The following SCARF2 variants were observed in gnomAD, a reference collection of about 807,000 sequenced individuals.
SCARF2 encodes the protein scavenger receptor class F member 2, also known as scavenger receptor expressed by endothelial cells 2 protein.
In SCARF2, 39 loss-of-function variants were observed where a neutral mutation model predicts 73.4. The observed-to-expected ratio is 0.53, with a 90% CI of 0.41 to 0.69. The LOEUF is 0.69. Among genes scored for constraint, SCARF2 ranks in the 30% least tolerant of loss-of-function variants. The pLI is 0.00. For synonymous variants in SCARF2, 605 were observed against 590.0 expected (o/e 1.03, Z -0.37); for missense variants, 1,148 against 1,303.5 (o/e 0.88, Z 1.84).
intron 10 of SCARF2, among the ~76,000 whole-genome samples, chr22:20,426,602 G>A (rs1601295041): frequency 6.6e-6 from 1 of 152,342 alleles, no homozygotes; most frequent in East Asian, 1.9e-4. Flanking sequence ...ATTTGAGGCT[G>A]GAACATCCCC....
chr22:20,433,746 C>T (rs1313589803), intron 1 of SCARF2, among the ~76,000 whole-genome samples: 1 of 152,226 alleles, frequency 6.6e-6, no homozygotes, highest in African/African-American at 2.4e-5. Flanking sequence ...TTTCCTGGCC[C>T]CTGCCCCCAC....
At chr22:20,426,853 G>A (rs1009934636) in intron 10 of SCARF2, among the ~76,000 whole-genome samples, 2 of 152,054 alleles carry the variant, frequency 1.3e-5, no homozygotes, top group Non-Finnish European at 2.9e-5. Flanking sequence ...CTTGAACCCA[G>A]GAGGCAGAGG....
intron 10 of SCARF2, among the ~76,000 whole-genome samples, chr22:20,426,981 G>C (rs981494849): frequency 6.6e-6 from 1 of 151,768 alleles, no homozygotes; most frequent in Non-Finnish European, 1.5e-5. Context: ...TCACCTGCCC[G>C]TGGCATCTGG....
chr22:20,430,624 G>A (rs1233397562), intron 5 of SCARF2, 66 bp downstream of exon 5: 11 of 1,606,790 alleles, frequency 6.8e-6, no homozygotes, highest in Non-Finnish European at 9.3e-6. Flanking sequence ...CTCGACATTG[G>A]GGCCTTTGTT....
At chr22:20,428,425 C>T (rs2052604826) in intron 9 of SCARF2, among the ~76,000 whole-genome samples, 1 of 152,114 alleles carries the variant, frequency 6.6e-6, no homozygotes, top group African/African-American at 2.4e-5. Context: ...TTGCCTCAGC[C>T]TCCAGAGTAG....
In SCARF2 at chr22:20,430,755, G is replaced by A. The variant is rs762832613; in HGVS notation, c.1008C>T (p.Asp336=). 1.7e-5 allele frequency: 27 copies of A among 1,607,568 alleles called. No homozygotes were observed. Among genetic ancestry groups the A allele is most frequent in the Non-Finnish European group, 2.1e-5 (25 of 1,177,800 alleles). The change falls in exon 5 of 11, where the codon GAC becomes GAT. Residue 336 remains aspartate (D), a synonymous_variant. Coordinates refer to ENST00000622235, the MANE Select transcript of SCARF2 (RefSeq NM_182895.5). ...CGGTGACATGGTTACAGGCATGCCC[G>A]TCGCGGCATGGCGGACAGCGGTGGC... is the stretch of plus-strand genomic sequence containing the variant. ...GCSHRCPPCR[D]GHACNHVTGK...
Position 20,425,859 on chromosome 22 carries a change from G to A in SCARF2, c.2117C>T (p.Ala706Val), listed in dbSNP as rs1360034898. The stretch of plus-strand genomic sequence containing the variant: ...GGGGCTGCCGTGTTCGACCGTATGC[G>A]CCGATTTGTCGCTGGGCGTCCGTTT... ...KRKRTPSDKSAHTVEHGSPRT... is the reference protein window; with the variant it reads ...KRKRTPSDKSVHTVEHGSPRT... Residue 706 changes from alanine to valine, a missense_variant, in exon 11 of 11, where the codon GCG becomes GTG. Physicochemically the swap from Ala to Val is moderately conservative, Grantham distance 64 (BLOSUM62 0). This residue lies in a region of SCARF2 where 437 missense variants were observed against 433.6 expected (regional missense o/e 1.01). Transcript: ENST00000622235. This position sits in a 1 kb window ranked among gnomAD's most constrained non-coding sequence, Gnocchi z 4.6. The A allele has an allele frequency of 7.5e-6, 12 of 1,594,270 alleles. No individual in the cohort carries two copies. The highest frequency in any genetic ancestry group is 1.0e-5 in the Non-Finnish European group (12 of 1,173,994).
At position 20,425,194 on chromosome 22, in the gene SCARF2, C is replaced by T; in HGVS notation, c.*181G>A. The T allele has an allele frequency of 4.2e-6, 2 of 472,084 alleles. No homozygotes were observed. The highest frequency in any genetic ancestry group is 1.8e-4 in the South Asian group (2 of 11,204). 29.2% of individuals were successfully genotyped at this position (472,084 alleles called of 1,614,324 possible). ...CGACCAACGGGATGGGCCCTTCCCG[C>T]CAGAGCACACTGCTCCAATCCAGGA... is the stretch of plus-strand genomic sequence containing the variant. On this transcript the variant is annotated 3_prime_UTR_variant, in exon 11 of 11. Coordinates refer to ENST00000622235, the MANE Select transcript of SCARF2 (RefSeq NM_182895.5). The surrounding 1 kb of genome is among the most constrained non-coding windows in gnomAD (Gnocchi z 4.6).
Position 20,429,263 on chromosome 22 carries a change from C to A in SCARF2, c.1502G>T (p.Arg501Leu). The change falls in exon 9 of 11, where the codon CGG (arginine) becomes CTG (leucine). Residue 501 changes from arginine to leucine, a missense_variant. This residue lies in a region of SCARF2 where 437 missense variants were observed against 433.6 expected (regional missense o/e 1.01). Transcript: ENST00000622235. The surrounding 1 kb of genome is among the most constrained non-coding windows in gnomAD (Gnocchi z 5.2). ...TAGTTTCTGCCTCCGGAGCGGGATC[C>A]GGGGCAGCTTCATGCTGATGCGACT... is the stretch of plus-strand genomic sequence containing the variant. ...RFSRISMKLP[R>L]IPLRRQKLPK... The A allele has an allele frequency of 6.2e-7, 1 of 1,604,700 alleles. No homozygotes were observed. The highest frequency in any genetic ancestry group is 1.3e-5 in the African/African-American group (1 of 74,592).
At position 20,427,460 on chromosome 22, in the gene SCARF2, C is replaced by G. The variant is rs774136061; in HGVS notation, c.1631G>C (p.Arg544Pro). Residue 544 changes from arginine to proline, a missense_variant, in exon 10 of 11, where the codon CGG becomes CCG. Arg to Pro is a moderately radical substitution (Grantham distance 103, BLOSUM62 -2). This residue lies in a region of SCARF2 where 437 missense variants were observed against 433.6 expected (regional missense o/e 1.01). Coordinates refer to ENST00000622235, the MANE Select transcript of SCARF2 (RefSeq NM_182895.5). ...GGTGTCAAACGAGGAGAAGGAGGCC[C>G]GAGAGGACCAGGATGGTGAGGGCTG... is the stretch of plus-strand genomic sequence containing the variant. The part of the protein sequence containing the change: ...LEQPSPSWSS[R>P]ASFSSFDTTD... The G allele has an allele frequency of 2.5e-6, 4 of 1,614,122 alleles. No individual in the cohort carries two copies. Among genetic ancestry groups the G allele is most frequent in the East Asian group, 2.2e-5 (1 of 44,888 alleles).
At position 20,429,118 on chromosome 22, in the gene SCARF2, A is replaced by G; in HGVS notation, c.1540+107T>C. On this transcript the variant is annotated intron_variant, in intron 9 of 10. Coordinates refer to ENST00000622235, the MANE Select transcript of SCARF2 (RefSeq NM_182895.5). This position sits in a 1 kb window ranked among gnomAD's most constrained non-coding sequence, Gnocchi z 5.2. ...TCGCGCCCACGCACATCAACACTCAAGGTCCCCCATTTCCTCACTGAGATC... is the reference window on the plus strand; with the variant it reads ...TCGCGCCCACGCACATCAACACTCAGGGTCCCCCATTTCCTCACTGAGATC... 6.9e-7 allele frequency: 1 copy of G among 1,445,694 alleles called. No homozygotes were observed. The highest frequency in any genetic ancestry group is 2.3e-5 in the East Asian group (1 of 43,300). 89.6% of individuals were successfully genotyped at this position (1,445,694 alleles called of 1,614,324 possible).
intron 10 of SCARF2, 73 bp from the exon 11 acceptor site, chr22:20,426,355 C>T: frequency 6.7e-7 from 1 of 1,493,048 alleles, no homozygotes. Flanking sequence ...AGGCGCAAAC[C>T]TTCACCTTTC....
chr22:20,431,077 G>A lies in SCARF2; in HGVS notation c.795C>T (p.Arg265=), dbSNP rs757118955. 2.9e-5 allele frequency: 45 copies of A among 1,547,722 alleles called. No individual in the cohort carries two copies. The highest frequency in any genetic ancestry group is 2.9e-5 in the Non-Finnish European group (34 of 1,153,670). The change falls in exon 4 of 11, where the codon CGC becomes CGT. Residue 265 remains arginine, a synonymous_variant. Transcript: ENST00000622235. The part of the protein sequence containing the change: ...DGTCACEPGY[R]GKYCREPCPA... Reference sequence around the variant, plus strand: ...GGCACGGCTCGCGACAGTACTTGCCGCGGTAGCCCGGCTCGCAGGCACACG... The same window carrying A: ...GGCACGGCTCGCGACAGTACTTGCCACGGTAGCCCGGCTCGCAGGCACACG...
At chr22:20,437,479 TG>T (rs1478045653) in intron 1 of SCARF2, 102 bp downstream of exon 1, 6 of 1,275,034 alleles carry the variant, frequency 4.7e-6, no homozygotes. Flanking sequence ...GGCCCACACT[TG>T]GCGTAGGAAG....
At chr22:20,426,587 A>T (rs1020067058) in intron 10 of SCARF2, among the ~76,000 whole-genome samples, 2 of 152,208 alleles carry the variant, frequency 1.3e-5, no homozygotes, top group Non-Finnish European at 2.9e-5. Flanking sequence ...CGCCTGCATC[A>T]TCGAATTTGA....
In SCARF2 at chr22:20,437,729, G is replaced by A; in HGVS notation, c.26C>T (p.Ala9Val). 1 of 1,248,470 alleles carries A rather than the reference G, an allele frequency of 8.0e-7. No homozygotes were observed. Among genetic ancestry groups the A allele is most frequent in the South Asian group, 2.4e-5 (1 of 41,438 alleles). The allele number at this position is 1,248,470 out of a possible 1,614,324, so 77.3% of individuals were successfully genotyped here. ...GGCTCCCCGGCGCCGCGCCGGCCCG[G>A]CCCCCCGGGGCCCTGCGCCCTCCAT... Reference protein sequence around the residue: MEGAGPRGAGPARRRGAGG... With the variant: MEGAGPRGVGPARRRGAGG... Residue 9 changes from alanine to valine, a missense_variant, in exon 1 of 11, where the codon GCC (alanine) becomes GTC (valine). Ala to Val is a moderately conservative substitution (Grantham distance 64). Coordinates refer to ENST00000622235, the MANE Select transcript of SCARF2 (RefSeq NM_182895.5).
At chr22:20,430,396 C>G (rs1173132525) in intron 6 of SCARF2, 33 bp downstream of exon 6, 3 of 1,574,714 alleles carry the variant, frequency 1.9e-6, no homozygotes, top group Non-Finnish European at 2.6e-6. Context: ...CAGGTACAAG[C>G]CCCCAACCCC....
Position 20,424,676 on chromosome 22 carries a change from G to C in SCARF2, c.*699C>G, listed in dbSNP as rs1285092386. ...CACCGGCCGAGGGGGGAGCAGCCCT[G>C]CTGGGGGCCTATAAATACATCTCCT... On this transcript the variant is annotated 3_prime_UTR_variant, in exon 11 of 11. Coordinates refer to ENST00000622235, the MANE Select transcript of SCARF2 (RefSeq NM_182895.5). The C allele has an allele frequency of 6.6e-6, 1 of 152,430 alleles. No homozygotes were observed. The highest frequency in any genetic ancestry group is 6.5e-5 in the Admixed American group (1 of 15,298). The allele number at this position is 152,430 out of a possible 1,614,324, so 9.4% of individuals were successfully genotyped here.
intron 2 of SCARF2, 22 bp from the exon 3 acceptor site, chr22:20,431,868 G>A: frequency 6.3e-7 from 1 of 1,596,506 alleles, no homozygotes. Flanking sequence ...ACAGGCCAGA[G>A]CTGCTGCGCG....
Sources: gnomAD v4.1 joint callset for allele counts (sites outside exome capture counted in the v4.1 genomes callset) on GRCh38, gnomAD v4.1.1 for gene constraint, gnomAD v4.1.1 regional missense constraint, Gnocchi (gnomAD v3.1) non-coding constraint, MANE v1.5 for transcripts, NCBI Gene and HGNC (gene_info 2026-07-23, HGNC 2026-07-21) for gene names.